CERS6: variants seen among roughly 807,000 people sequenced by gnomAD.
CERS6 encodes LAG1 homolog, ceramide synthase 6.
A neutral mutation model predicts 56.8 loss-of-function variants in CERS6; 26 were observed. The observed-to-expected ratio is 0.46, with a 90% CI of 0.34 to 0.63. CERS6 has a LOEUF of 0.63. Among genes scored for constraint, CERS6 ranks in the 30% least tolerant of loss-of-function variants. The pLI is 0.01. For missense variants in CERS6, 415 were observed against 467.5 expected (o/e 0.89, Z 1.04); for synonymous variants, 164 against 173.3 (o/e 0.95, Z 0.42).
At chr2:168,666,716 T>A (rs570511955) in intron 4 of CERS6, among the ~76,000 whole-genome samples, 4 of 152,244 alleles carry the variant, frequency 2.6e-5, no homozygotes, top group Non-Finnish European at 5.9e-5. Context: ...AGGGCCTGCA[T>A]TGAGAACCCA....
At chr2:168,602,460 A>G (rs1683957236) in intron 3 of CERS6, among the ~76,000 whole-genome samples, 2 of 152,264 alleles carry the variant, frequency 1.3e-5, no homozygotes, top group South Asian at 4.1e-4. Context: ...ATTTTAAAAA[A>G]TCACCCAGAT....
At chr2:168,683,373 T>G (rs569506229) in intron 4 of CERS6, among the ~76,000 whole-genome samples, 1 of 152,356 alleles carries the variant, frequency 6.6e-6, no homozygotes, top group South Asian at 2.1e-4. Context: ...TATTTTTGTT[T>G]GATGTGTTGC....
At chr2:168,482,630 G>C (rs1694197652) in intron 1 of CERS6, among the ~76,000 whole-genome samples, 2 of 152,232 alleles carry the variant, frequency 1.3e-5, no homozygotes, top group African/African-American at 4.8e-5. Flanking sequence ...GATTTGCTAA[G>C]AGAAAAGTTT....
intron 6 of CERS6, among the ~76,000 whole-genome samples, chr2:168,707,732 G>C (rs142680459): frequency 7.2e-4 from 110 of 152,186 alleles, no homozygotes; most frequent in African/African-American, 2.2e-3. Flanking sequence ...ATTGCCTACT[G>C]GGGAGAGACC....
chr2:168,573,327 A>C (rs574590263), intron 3 of CERS6, among the ~76,000 whole-genome samples: 2 of 152,306 alleles, frequency 1.3e-5, no homozygotes, highest in South Asian at 2.1e-4. Context: ...ATTGCAAATG[A>C]GTGAGTGCTT....
At chr2:168,660,792 A>T (rs1225750699) in intron 4 of CERS6, among the ~76,000 whole-genome samples, 2 of 152,144 alleles carry the variant, frequency 1.3e-5, no homozygotes, top group African/African-American at 4.8e-5. Flanking sequence ...TTGAAAGGAA[A>T]ATTTGTGTCT....
chr2:168,699,825 A>T (rs904360016), intron 6 of CERS6, among the ~76,000 whole-genome samples: 29 of 152,222 alleles, frequency 1.9e-4, no homozygotes, highest in African/African-American at 6.0e-4. Flanking sequence ...AATTTTTGTT[A>T]AAATTGTATC....
intron 5 of CERS6, among the ~76,000 whole-genome samples, chr2:168,694,014 A>C (rs1478943544): frequency 2.0e-5 from 3 of 152,146 alleles, no homozygotes; most frequent in Admixed American, 2.0e-4. Context: ...TGTACAAAAC[A>C]CTTACATTTC....
intron 1 of CERS6, among the ~76,000 whole-genome samples, chr2:168,481,642 A>G (rs921442676): frequency 1.3e-5 from 2 of 152,348 alleles, no homozygotes; most frequent in Non-Finnish European, 2.9e-5. Context: ...TTAGAATATC[A>G]TAAAGCTCTT....
chr2:168,749,825 A>G (rs181003312), intron 8 of CERS6, among the ~76,000 whole-genome samples: 1 of 152,354 alleles, frequency 6.6e-6, no homozygotes, highest in Non-Finnish European at 1.5e-5. Context: ...CGGAGGTAGA[A>G]GAAAACAGCT....
Position 168,702,168 on chromosome 2 carries a change from G to A in CERS6, c.609+7117G>A, listed in dbSNP as rs557050013. On this transcript the variant is annotated intron_variant, in intron 6 of 9. Transcript: ENST00000305747. Reference sequence around the variant, plus strand: ...ATGCAGAACCTATGGATAATGGGGGGCCAACAGTATTAATTTTATTAAACC... The same window carrying A: ...ATGCAGAACCTATGGATAATGGGGGACCAACAGTATTAATTTTATTAAACC... Among the ~76,000 whole-genome samples the A allele has an allele frequency of 7.9e-5, 12 of 152,158 alleles. No individual in the cohort carries two copies. The South Asian group carries it at 2.3e-3, about 29-fold the overall frequency.
At chr2:168,460,898 G>A (rs1693766473) in intron 1 of CERS6, among the ~76,000 whole-genome samples, 1 of 152,196 alleles carries the variant, frequency 6.6e-6, no homozygotes, top group African/African-American at 2.4e-5. Context: ...TTGTGTCTGA[G>A]GGAATGTCTG....
intron 3 of CERS6, among the ~76,000 whole-genome samples, chr2:168,602,344 CTCTG>C (rs1223835817): frequency 6.6e-6 from 1 of 152,170 alleles, no homozygotes; most frequent in Non-Finnish European, 1.5e-5. Context: ...TGGTATAGGA[CTCTG>C]TCTATAATTT....
intron 8 of CERS6, among the ~76,000 whole-genome samples, chr2:168,736,233 A>G (rs1683713207): frequency 1.3e-5 from 2 of 152,260 alleles, no homozygotes; most frequent in Admixed American, 6.5e-5. Flanking sequence ...ACATGAAAGT[A>G]TCTCAAGGTT....
intron 7 of CERS6, 148 bp from the exon 8 acceptor site, chr2:168,717,724 C>A (rs1380075956): frequency 7.0e-6 from 4 of 575,110 alleles, no homozygotes; most frequent in Non-Finnish European, 1.2e-5. Flanking sequence ...TGATGTATGA[C>A]ATTTCAATCG....
intron 4 of CERS6, among the ~76,000 whole-genome samples, chr2:168,633,950 CA>C (rs1684806366): frequency 6.6e-6 from 1 of 152,162 alleles, no homozygotes; most frequent in South Asian, 2.1e-4. Context: ...CTTCTAGAAT[CA>C]AAAATATGGA....
chr2:168,572,051 A>G (rs1035450239), intron 3 of CERS6, among the ~76,000 whole-genome samples: 80 of 152,336 alleles, frequency 5.3e-4, no homozygotes, highest in Non-Finnish European at 1.6e-4. Context: ...ATGTTGCAGC[A>G]TTAAACACTT....
intron 6 of CERS6, among the ~76,000 whole-genome samples, chr2:168,702,946 G>A (rs901783286): frequency 1.3e-5 from 2 of 152,154 alleles, no homozygotes; most frequent in African/African-American, 4.8e-5. Context: ...ACAGTTATGA[G>A]AATCCAACTC....
At chr2:168,559,142 C>T (rs1695738491) in intron 2 of CERS6, among the ~76,000 whole-genome samples, 1 of 151,810 alleles carries the variant, frequency 6.6e-6, no homozygotes, top group African/African-American at 2.4e-5. Flanking sequence ...TTTTCTCCTT[C>T]CCGTATTTTT....
Sources: allele counts gnomAD v4.1 joint callset (sites outside exome capture counted in the v4.1 genomes callset), GRCh38; gene constraint gnomAD v4.1.1; transcripts MANE v1.5; gene names NCBI Gene and HGNC (gene_info 2026-07-23, HGNC 2026-07-21).